Variants in PCDH11X observed in about 807,000 individuals in gnomAD.
PCDH11X encodes the protein protocadherin 11 X-linked.
PCDH11X carries 18 observed loss-of-function variants against 53.3 expected under a neutral mutation model. The ratio of observed to expected loss-of-function variants is 0.34; its 90% CI spans 0.23 to 0.50. The LOEUF (loss-of-function observed/expected upper bound fraction) is 0.50. Among genes scored for constraint, PCDH11X ranks in the 20% least tolerant of loss-of-function variants. PCDH11X has a pLI of 0.98. For synonymous variants in PCDH11X, 279 were observed against 393.3 expected, an observed-to-expected ratio of 0.71 and a Z score of 3.44; for missense variants, 570 against 1,032.4, an observed-to-expected ratio of 0.55 and a Z score of 6.14.
intron 6 of PCDH11X, among the ~76,000 whole-genome samples, chrX:92,175,366 C>G (rs1470425103): frequency 9.0e-6 from 1 of 111,488 alleles, no homozygotes; most frequent in Non-Finnish European, 1.9e-5. Context: ...GAAAATCTGC[C>G]ACAGCCTATA....
At chrX:92,375,162 ATATATTTTTTT>A (rs1319888840) in intron 8 of PCDH11X, among the ~76,000 whole-genome samples, 1 of 10,464 alleles carries the variant, frequency 9.6e-5, no homozygotes, top group East Asian at 4.2e-3. Flanking sequence ...ATATATATAT[ATATATTTTTTT>A]TTTTTTTTTT....
intron 10 of PCDH11X, among the ~76,000 whole-genome samples, chrX:92,507,504 G>C (rs1356856525): frequency 3.6e-5 from 4 of 111,346 alleles, no homozygotes; most frequent in Non-Finnish European, 5.6e-5. Context: ...AGATTGGTGA[G>C]AGCTGACTCT....
In PCDH11X at chrX:92,618,193, G is replaced by A. The variant is rs1163458515; in HGVS notation, c.3368-71G>A. ...AGGTTGTTACCTTTTTTGTCACAAT[G>A]ATATTTAAGTGGCTAATAAAAATAT... On this transcript the variant is annotated intron_variant, in intron 10 of 10. Transcript: ENST00000682573. 7 of 1,145,564 alleles carry A rather than the reference G, an allele frequency of 6.1e-6. No homozygotes were observed. The East Asian group carries it at 9.8e-5, about 16-fold the overall frequency. 94.4% of individuals were successfully genotyped at this position (1,145,564 alleles called of 1,213,427 possible).
chrX:91,916,656 T>C (rs1419134409), intron 6 of PCDH11X, among the ~76,000 whole-genome samples: 1 of 109,156 alleles, frequency 9.2e-6, no homozygotes, highest in Non-Finnish European at 1.9e-5. Context: ...CAACAACAAG[T>C]AGCAAGATTG....
intron 6 of PCDH11X, among the ~76,000 whole-genome samples, chrX:91,913,591 C>A (rs1941452534): frequency 9.0e-6 from 1 of 111,706 alleles, no homozygotes; most frequent in Non-Finnish European, 1.9e-5. Flanking sequence ...ACCCACCAAA[C>A]CCTGCCCCCA....
intron 9 of PCDH11X, among the ~76,000 whole-genome samples, chrX:92,403,329 G>GTTTTTTTTTTTTTTTTTTTTT (rs1178198433): frequency 5.1e-5 from 3 of 58,803 alleles, no homozygotes; most frequent in African/African-American, 1.6e-4. Context: ...GGGCATTTAC[G>GTTTTTTTTTTTTTTTTTTTTT]TTTTTTTTTG....
At chrX:92,111,087 T>C (rs2064494162) in intron 6 of PCDH11X, among the ~76,000 whole-genome samples, 1 of 107,105 alleles carries the variant, frequency 9.3e-6, no homozygotes, top group African/African-American at 3.4e-5. Flanking sequence ...GGAAAGATTA[T>C]TATGAGCCTT....
chrX:92,528,314 C>T (rs780557559), intron 10 of PCDH11X, among the ~76,000 whole-genome samples: 65 of 111,662 alleles, frequency 5.8e-4, no homozygotes, highest in Admixed American at 1.7e-3. Flanking sequence ...TTTTTTGAGA[C>T]GGAGTTTCAC....
At chrX:92,214,349 T>A (rs2066647064) in intron 7 of PCDH11X, among the ~76,000 whole-genome samples, 1 of 111,894 alleles carries the variant, frequency 8.9e-6, no homozygotes, top group African/African-American at 3.3e-5. Context: ...AATCATGTGA[T>A]CAATGATGAT....
intron 6 of PCDH11X, among the ~76,000 whole-genome samples, chrX:91,919,591 C>T (rs187065277): frequency 1.8e-5 from 2 of 110,968 alleles, no homozygotes; most frequent in African/African-American, 6.5e-5. Flanking sequence ...CTTTTCACTC[C>T]ACAGCCAGGA....
At position 92,102,223 on chromosome X, in the gene PCDH11X, A is replaced by G. The variant is rs184122473; in HGVS notation, c.3034-99152A>G. ...GGAGCAGAAAGTATATGCGTCAGGT[A>G]TGAGGAAGAAAATAGATTTTGGAAG... On this transcript the variant is annotated intron_variant, in intron 6 of 10. Coordinates refer to ENST00000682573, the MANE Select transcript of PCDH11X (RefSeq NM_032968.5). Among the ~76,000 whole-genome samples, 330 of 111,557 alleles carry G rather than the reference A, an allele frequency of 3.0e-3. 2 individuals are homozygous for G. Among genetic ancestry groups the G allele is most frequent in the African/African-American group, 0.011 (323 of 30,624 alleles).
chrX:91,858,746 C>T lies in PCDH11X; in HGVS notation c.541-18035C>T, dbSNP rs1288750038. 1.4e-3 allele frequency among the ~76,000 whole-genome samples: 150 copies of T among 108,589 alleles called. 2 individuals carry two copies. Among genetic ancestry groups the T allele is most frequent in the Non-Finnish European group, 1.1e-3 (60 of 52,345 alleles). 94.3% of individuals were successfully genotyped at this position (108,589 alleles called of 115,157 possible). A position where few individuals can be genotyped will look rare whatever the true frequency, so the allele number is the denominator to read the frequency against. On this transcript the variant is annotated intron_variant, in intron 5 of 10. Coordinates refer to ENST00000682573, the MANE Select transcript of PCDH11X (RefSeq NM_032968.5). Reference sequence around the variant, plus strand: ...CAAGAGTCACCTTTGCTCCAGTTCCCAACAAGTTCCTCATCTCCATCTGAG... The same window carrying T: ...CAAGAGTCACCTTTGCTCCAGTTCCTAACAAGTTCCTCATCTCCATCTGAG...
chrX:92,572,232 C>A (rs779470115), intron 10 of PCDH11X, among the ~76,000 whole-genome samples: 1 of 111,854 alleles, frequency 8.9e-6, no homozygotes, highest in African/African-American at 3.2e-5. Context: ...GTTTCTCTGC[C>A]ATAGTCATTG....
At chrX:92,441,868 C>A (rs2072523206) in intron 9 of PCDH11X, among the ~76,000 whole-genome samples, 1 of 110,184 alleles carries the variant, frequency 9.1e-6, no homozygotes. Flanking sequence ...CTGGAAAAGC[C>A]ACAAACACTC....
At chrX:92,272,754 T>C (rs1214730515) in intron 8 of PCDH11X, among the ~76,000 whole-genome samples, 1 of 112,358 alleles carries the variant, frequency 8.9e-6, no homozygotes, top group Non-Finnish European at 1.9e-5. Context: ...GGTTTCTGTG[T>C]GTCAAATCTA....
intron 6 of PCDH11X, among the ~76,000 whole-genome samples, chrX:92,181,103 C>CA (rs1010205950): frequency 9.0e-6 from 1 of 111,012 alleles, no homozygotes; most frequent in African/African-American, 3.3e-5. Flanking sequence ...ATGGCGTTGA[C>CA]AAAAATGCTG....
Position 92,618,779 on chromosome X carries a change from G to C in PCDH11X, c.3883G>C (p.Gly1295Arg), listed in dbSNP as rs3813174. 6.1e-4 allele frequency: 738 copies of C among 1,210,280 alleles called. 4 individuals carry two copies. In the East Asian group the frequency reaches 0.017, roughly 28 times the overall value. The change falls in exon 11 of 11, where the codon GGA (glycine) becomes CGA (arginine). Residue 1295 changes from glycine to arginine, a missense_variant. This residue lies in a region of PCDH11X where 234 missense variants were observed against 296.1 expected (regional missense o/e 0.79). Coordinates refer to ENST00000682573, the MANE Select transcript of PCDH11X (RefSeq NM_032968.5). ...TGATGGGCTATGCTCTGTTGATCAG[G>C]GAGTGCAAGGTAGTGCAACATCTCA... ...GADGLCSVDQ[G>R]VQGSATSQFY...
chrX:92,376,942 A>AT (rs1261761474), intron 8 of PCDH11X, among the ~76,000 whole-genome samples: 2 of 111,655 alleles, frequency 1.8e-5, no homozygotes, highest in African/African-American at 6.5e-5. Context: ...TGATCAAAAT[A>AT]TTTTTTAAAA....
chrX:92,444,836 T>C (rs1213465209), intron 9 of PCDH11X, among the ~76,000 whole-genome samples: 1 of 98,918 alleles, frequency 1.0e-5, no homozygotes, highest in Non-Finnish European at 2.1e-5. Flanking sequence ...TGTTTTTAAT[T>C]GTGTTTATGT....
Sources: allele counts gnomAD v4.1 joint callset (sites outside exome capture counted in the v4.1 genomes callset), GRCh38; gene constraint gnomAD v4.1.1; regional missense constraint gnomAD v4.1.1; transcripts MANE v1.5; gene names NCBI Gene and HGNC (gene_info 2026-07-23, HGNC 2026-07-21).